The following OPTN variants were observed in gnomAD, a reference collection of about 807,000 sequenced individuals.
The protein encoded by OPTN is optineurin, also known as E3-14.7K-interacting protein.
OPTN carries 54 observed loss-of-function variants against 70.4 expected under a neutral mutation model. The observed-to-expected ratio is 0.77, with a 90% CI of 0.62 to 0.96. OPTN has a LOEUF of 0.96. Ranked by LOEUF, OPTN falls within the 40% of genes least tolerant of loss-of-function variation. OPTN has a pLI of 0.00. For synonymous variants in OPTN, 256 were observed against 248.5 expected, an observed-to-expected ratio of 1.03 and a Z score of -0.28; for missense variants, 624 against 673.2, an observed-to-expected ratio of 0.93 and a Z score of 0.81.
rs60399947 is a variant in OPTN, at chr10:13,110,117, A to G, written c.167-157A>G. On this transcript the variant is annotated intron_variant, in intron 3 of 14. Transcript: ENST00000378747. ...CCGCTAGTCTTTTCTGTAAGCAAAAACCACTTCGTCTTTTTGCTGCTGACC... is the reference window on the plus strand; with the variant it reads ...CCGCTAGTCTTTTCTGTAAGCAAAAGCCACTTCGTCTTTTTGCTGCTGACC... 99,611 of 1,384,152 alleles carry G rather than the reference A, an allele frequency of 0.072. 4,808 individuals are homozygous for G. Among genetic ancestry groups the G allele is most frequent in the East Asian group, 0.22 (8,861 of 39,618 alleles). The allele number at this position is 1,384,152 out of a possible 1,614,324, so 85.7% of individuals were successfully genotyped here.
At chr10:13,108,440 G>A (rs1832913767) in intron 2 of OPTN, among the ~76,000 whole-genome samples, 151 bp downstream of exon 2, 1 of 152,064 alleles carries the variant, frequency 6.6e-6, no homozygotes, top group Non-Finnish European at 1.5e-5. Context: ...AGATTTGCAT[G>A]GGAAATTTTT....
chr10:13,114,163 A>G (rs1833071365), intron 5 of OPTN, among the ~76,000 whole-genome samples: 1 of 152,162 alleles, frequency 6.6e-6, no homozygotes, highest in Non-Finnish European at 1.5e-5. Context: ...ACAACTTGCA[A>G]AAAAGCTCAC....
intron 1 of OPTN, among the ~76,000 whole-genome samples, chr10:13,106,733 C>A (rs1832872799): frequency 2.0e-5 from 3 of 152,210 alleles, no homozygotes; most frequent in African/African-American, 7.2e-5. Context: ...AAGGACGCAA[C>A]ACCACAGTGG....
At chr10:13,115,457 T>TTATATATTATAGAATA (rs1215826690) in intron 5 of OPTN, among the ~76,000 whole-genome samples, 1 of 100,720 alleles carries the variant, frequency 9.9e-6, no homozygotes, top group African/African-American at 4.8e-5. Flanking sequence ...ATATTCTATA[T>TTATATATTATAGAATA]TATATAATAT....
chr10:13,100,644 GC>G (rs1832721329), intron 1 of OPTN, among the ~76,000 whole-genome samples: 1 of 152,232 alleles, frequency 6.6e-6, no homozygotes. Flanking sequence ...GGATTCCGCA[GC>G]CAGTTCCTCG....
chr10:13,115,899 G>A (rs1833196883), intron 5 of OPTN, among the ~76,000 whole-genome samples: 1 of 151,906 alleles, frequency 6.6e-6, no homozygotes, highest in South Asian at 2.1e-4. Flanking sequence ...CATTTTAAAG[G>A]AAGGATATGT....
intron 1 of OPTN, among the ~76,000 whole-genome samples, chr10:13,106,353 T>G (rs1213366836): frequency 1.3e-5 from 2 of 152,244 alleles, no homozygotes; most frequent in African/African-American, 4.8e-5. Flanking sequence ...ATTCAGATTA[T>G]TTTTGTGAGA....
chr10:13,118,846 G>T, intron 6 of OPTN, 42 bp from the exon 7 acceptor site: 1 of 1,592,466 alleles, frequency 6.3e-7, no homozygotes, highest in South Asian at 1.1e-5. Flanking sequence ...TTAGTCTTTG[G>T]AATTTTTCTG....
chr10:13,120,504 G>A (rs1833322281), intron 7 of OPTN, among the ~76,000 whole-genome samples: 1 of 150,748 alleles, frequency 6.6e-6, no homozygotes, highest in African/African-American at 2.4e-5. Context: ...TTTTGGCCTG[G>A]CGCGGTGGCC....
At chr10:13,134,134 T>A (rs1833651104) in intron 14 of OPTN, among the ~76,000 whole-genome samples, 1 of 152,210 alleles carries the variant, frequency 6.6e-6, no homozygotes, top group Non-Finnish European at 1.5e-5. Context: ...AAACCGTGTC[T>A]CCCTCTGTTC....
At chr10:13,117,927 C>A (rs1833256064) in intron 6 of OPTN, among the ~76,000 whole-genome samples, 1 of 152,146 alleles carries the variant, frequency 6.6e-6, no homozygotes, top group South Asian at 2.1e-4. Context: ...AAAGTAATTC[C>A]CTTTTTTGGT....
chr10:13,116,417 A>AC, intron 6 of OPTN, 77 bp downstream of exon 6: 4 of 959,670 alleles, frequency 4.2e-6, no homozygotes, highest in Non-Finnish European at 6.8e-6. Context: ...ACCGGAGGTC[A>AC]AATGTTGTGA....
At chr10:13,115,337 A>C (rs1216195301) in intron 5 of OPTN, among the ~76,000 whole-genome samples, 1 of 108,414 alleles carries the variant, frequency 9.2e-6, no homozygotes, top group Non-Finnish European at 1.7e-5. Flanking sequence ...AGAATATATT[A>C]TACAATTATA....
chr10:13,137,295 AAAAG>A lies in OPTN; in HGVS notation c.*430_*433del. 1 of 321,146 alleles carries A rather than the reference AAAAG, an allele frequency of 3.1e-6. No homozygotes were observed. Among genetic ancestry groups the A allele is most frequent in the Non-Finnish European group, 5.9e-6 (1 of 170,762 alleles). The allele number at this position is 321,146 out of a possible 1,614,324, so 19.9% of individuals were successfully genotyped here. On this transcript the variant is annotated 3_prime_UTR_variant, in exon 15 of 15. Coordinates refer to ENST00000378747, the MANE Select transcript of OPTN (RefSeq NM_001008212.2). Reference sequence around the variant, plus strand: ...CTCTGTCTCGAAAGAAAGAAAGAAAAAAAGGAAGGAAGGAGAAGGAAGGAAGGAG... The same window carrying A: ...CTCTGTCTCGAAAGAAAGAAAGAAAAGAAGGAAGGAGAAGGAAGGAAGGAG...
At chr10:13,114,762 A>ATATATAGT (rs1833087792) in intron 5 of OPTN, among the ~76,000 whole-genome samples, 7 of 83,754 alleles carry the variant, frequency 8.4e-5, no homozygotes, top group African/African-American at 2.7e-4. Flanking sequence ...ATATAATTGC[A>ATATATAGT]TATATAATTA....
chr10:13,136,839 G>C lies in OPTN; in HGVS notation c.1707G>C (p.Gln569His), dbSNP rs1588456370. The C allele has an allele frequency of 1.2e-6, 2 of 1,614,212 alleles. No homozygotes were observed. Among genetic ancestry groups the C allele is most frequent in the Non-Finnish European group, 1.7e-6 (2 of 1,180,030 alleles). ...GEVLPDIDTL[Q>H]IHVMDCII is the part of the protein sequence containing the mutation. ...TTCTGCCTGACATAGACACGTTACA[G>C]ATTCACGTGATGGATTGCATCATTT... The change falls in exon 15 of 15, where the codon CAG becomes CAC. Residue 569 changes from glutamine to histidine, a missense_variant. Gln to His is a conservative substitution (Grantham distance 24). Transcript: ENST00000378747.
At chr10:13,125,120 C>T (rs1424096577) in intron 9 of OPTN, among the ~76,000 whole-genome samples, 1 of 152,100 alleles carries the variant, frequency 6.6e-6, no homozygotes, top group Non-Finnish European at 1.5e-5. Context: ...TAGCTAATTA[C>T]TACTGTGGTC....
At position 13,112,576 on chromosome 10, in the gene OPTN, C is replaced by T. The variant is rs1401721711; in HGVS notation, c.493C>T (p.Gln165Ter). Residue 165 changes from glutamine (Q) to a stop codon, truncating the protein, a stop_gained, in exon 5 of 15, where the codon CAG (glutamine) becomes TAG (stop). Coordinates refer to ENST00000378747, the MANE Select transcript of OPTN (RefSeq NM_001008212.2). LOFTEE classifies it high-confidence loss of function. The part of the protein sequence containing the change: ...ADLLGIVSEL[Q>*]LKLNSSGSSE... ...CCTGTTGGGCATCGTGTCTGAACTGCAGCTCAAGCTGAACTCCAGCGGCTC... is the reference window on the plus strand; with the variant it reads ...CCTGTTGGGCATCGTGTCTGAACTGTAGCTCAAGCTGAACTCCAGCGGCTC... The T allele has an allele frequency of 6.2e-6, 10 of 1,614,066 alleles. No homozygotes were observed. The highest frequency in any genetic ancestry group is 8.5e-6 in the Non-Finnish European group (10 of 1,180,038).
chr10:13,112,960 T>C (rs936617274), intron 5 of OPTN, among the ~76,000 whole-genome samples: 1 of 152,000 alleles, frequency 6.6e-6, no homozygotes, highest in African/African-American at 2.4e-5. Flanking sequence ...TTTTTCAAAC[T>C]AGGTCTCAAA....
Sources: gnomAD v4.1 joint callset for allele counts (sites outside exome capture counted in the v4.1 genomes callset) on GRCh38, gnomAD v4.1.1 for gene constraint, MANE v1.5 for transcripts, NCBI Gene and HGNC (gene_info 2026-07-23, HGNC 2026-07-21) for gene names.